The following WDR76 variants were observed in gnomAD, a reference collection of about 807,000 sequenced individuals.
WDR76 encodes WD repeat domain 76.
WDR76 carries 52 observed loss-of-function variants against 70.2 expected under a neutral mutation model. The observed-to-expected ratio is 0.74, with a 90% CI of 0.59 to 0.93. The LOEUF is 0.93. WDR76 is among the 40% of genes least tolerant of loss of function. WDR76 has a pLI of 0.00. For synonymous variants in WDR76, 292 were observed against 271.1 expected (o/e 1.08, Z -0.76); for missense variants, 756 against 760.2 (o/e 0.99, Z 0.07).
intron 4 of WDR76, among the ~76,000 whole-genome samples, chr15:43,836,783 G>C (rs772500300): frequency 6.6e-6 from 1 of 151,696 alleles, no homozygotes; most frequent in Non-Finnish European, 1.5e-5. Flanking sequence ...TATAATCCCA[G>C]CACTTTGGGA....
At chr15:43,830,808 AG>A (rs1224668340) in intron 2 of WDR76, among the ~76,000 whole-genome samples, 2 of 152,060 alleles carry the variant, frequency 1.3e-5, no homozygotes, top group Non-Finnish European at 2.9e-5. Context: ...GCACTTTGGG[AG>A]GCCACGGTGG....
intron 9 of WDR76, among the ~76,000 whole-genome samples, chr15:43,852,288 ATTC>A (rs576073935): frequency 3.3e-5 from 5 of 152,006 alleles, no homozygotes; most frequent in African/African-American, 9.7e-5. Flanking sequence ...GGTTCAAGCA[ATTC>A]TTCTGCCTCA....
chr15:43,848,619 C>T (rs1483513419), intron 8 of WDR76, among the ~76,000 whole-genome samples: 3 of 152,144 alleles, frequency 2.0e-5, no homozygotes, highest in Non-Finnish European at 4.4e-5. Context: ...CACCGCCATA[C>T]AAGTAGGTGG....
Position 43,835,084 on chromosome 15 carries a change from C to T in WDR76, c.486C>T (p.Tyr162=), listed in dbSNP as rs146443201. Residue 162 remains tyrosine, a synonymous_variant, in exon 3 of 13, where the codon TAC becomes TAT. Transcript: ENST00000263795. The stretch of plus-strand genomic sequence containing the variant: ...AGGATTTTTCGGGATTGTCACCCTA[C>T]GAAAGGAAGAGACTGAAGAACATAT... The part of the protein sequence containing the change: ...PSLDFSGLSP[Y]ERKRLKNISE... The T allele has an allele frequency of 8.3e-5, 134 of 1,614,012 alleles. 1 individual carries two copies. The highest frequency in any genetic ancestry group is 5.0e-4 in the Middle Eastern group (3 of 6,060).
intron 5 of WDR76, among the ~76,000 whole-genome samples, chr15:43,840,393 TAA>T (rs2087709902): frequency 6.6e-6 from 1 of 152,148 alleles, no homozygotes; most frequent in Non-Finnish European, 1.5e-5. Flanking sequence ...ATCATATCTA[TAA>T]AGTTTCTCAC....
intron 6 of WDR76, 39 bp downstream of exon 6, chr15:43,842,555 G>C (rs2087737941): frequency 6.3e-7 from 1 of 1,599,254 alleles, no homozygotes; most frequent in Non-Finnish European, 8.5e-7. Context: ...AGAATCATCT[G>C]TTAAGGAAAT....
intron 5 of WDR76, 84 bp downstream of exon 5, chr15:43,839,812 A>AAACAT: frequency 1.4e-6 from 2 of 1,389,602 alleles, no homozygotes; most frequent in Non-Finnish European, 1.9e-6. Flanking sequence ...AAAGTTCATT[A>AAACAT]AATTATGTTT....
chr15:43,843,865 T>C, intron 7 of WDR76, 36 bp from the exon 8 acceptor site: 1 of 1,518,990 alleles, frequency 6.6e-7, no homozygotes, highest in Non-Finnish European at 8.9e-7. Flanking sequence ...TTGAGATTGG[T>C]TTTACTTACA....
chr15:43,839,534 A>G, intron 4 of WDR76, 71 bp from the exon 5 acceptor site: 2 of 1,458,708 alleles, frequency 1.4e-6, no homozygotes, highest in East Asian at 2.4e-5. Context: ...CCTAGAAGTT[A>G]TCTCTTTAGT....
chr15:43,830,800 A>G (rs569663049), intron 2 of WDR76, among the ~76,000 whole-genome samples: 2 of 152,064 alleles, frequency 1.3e-5, no homozygotes, highest in African/African-American at 4.8e-5. Context: ...CACTCCCGGC[A>G]CTTTGGGAGG....
chr15:43,828,161 T>G lies in WDR76; in HGVS notation c.257T>G (p.Ile86Arg). The G allele has an allele frequency of 6.2e-7, 1 of 1,613,908 alleles. No homozygotes were observed. The highest frequency in any genetic ancestry group is 8.5e-7 in the Non-Finnish European group (1 of 1,179,978). Residue 86 changes from isoleucine to arginine, a missense_variant, in exon 2 of 13, where the codon ATA becomes AGA. Ile to Arg is a moderately conservative substitution (Grantham distance 97). Coordinates refer to ENST00000263795, the MANE Select transcript of WDR76 (RefSeq NM_024908.4). ...NNEVACKKTK[I>R]KKTCRRIIPP... ...GAAGTGGCGTGTAAGAAGACTAAAA[T>G]AAAGAAAACTTGCAGAAGGATTATA...
intron 5 of WDR76, among the ~76,000 whole-genome samples, chr15:43,840,840 G>C (rs890939518): frequency 1.1e-4 from 17 of 152,054 alleles, no homozygotes; most frequent in Non-Finnish European, 2.2e-4. Flanking sequence ...AATCAGCTGG[G>C]TGTGGTGGCA....
At chr15:43,832,159 C>T (rs114430072) in intron 2 of WDR76, among the ~76,000 whole-genome samples, 216 of 152,260 alleles carry the variant, frequency 1.4e-3, no homozygotes, top group African/African-American at 5.1e-3. Flanking sequence ...TGTCTTCCAG[C>T]TTCCTTCAAT....
chr15:43,860,822 T>C (rs751614269), intron 11 of WDR76, among the ~76,000 whole-genome samples: 1 of 150,892 alleles, frequency 6.6e-6, no homozygotes, highest in Non-Finnish European at 1.5e-5. Context: ...ATTTCTACGC[T>C]AAACTATAAG....
intron 9 of WDR76, among the ~76,000 whole-genome samples, chr15:43,852,670 G>T (rs1398431186): frequency 2.0e-5 from 3 of 151,992 alleles, no homozygotes; most frequent in African/African-American, 4.8e-5. Flanking sequence ...TGTGTGGTCA[G>T]ATTTGCCTCT....
intron 9 of WDR76, among the ~76,000 whole-genome samples, chr15:43,853,276 T>C (rs2087886025): frequency 6.6e-6 from 1 of 152,092 alleles, no homozygotes; most frequent in African/African-American, 2.4e-5. Context: ...CCGCAGCCTC[T>C]GCCTCCCAGG....
chr15:43,835,890 C>T (rs1342255552), intron 3 of WDR76, among the ~76,000 whole-genome samples: 2 of 151,548 alleles, frequency 1.3e-5, no homozygotes, highest in African/African-American at 2.4e-5. Context: ...CTGCTGACCT[C>T]GGGTGATCTA....
chr15:43,836,237 T>C, intron 4 of WDR76, 21 bp downstream of exon 4: 4 of 1,604,314 alleles, frequency 2.5e-6, no homozygotes, highest in Non-Finnish European at 3.4e-6. Flanking sequence ...TAGTTTGCAA[T>C]GCCTGAACCA....
chr15:43,846,350 A>G (rs911649090), intron 8 of WDR76, among the ~76,000 whole-genome samples: 1 of 147,970 alleles, frequency 6.8e-6, no homozygotes, highest in African/African-American at 2.5e-5. Flanking sequence ...CAGTGGCATG[A>G]TCATAGCTCA....
Sources: allele counts gnomAD v4.1 joint callset (sites outside exome capture counted in the v4.1 genomes callset), GRCh38; gene constraint gnomAD v4.1.1; transcripts MANE v1.5; gene names NCBI Gene and HGNC (gene_info 2026-07-23, HGNC 2026-07-21).